SLX4: variants seen among roughly 807,000 people sequenced by gnomAD.
SLX4 encodes the protein SLX4 structure-specific endonuclease subunit.
A neutral mutation model predicts 146.2 loss-of-function variants in SLX4; 112 were observed. The observed-to-expected ratio is 0.77, with a 90% CI of 0.66 to 0.90. SLX4 has a LOEUF of 0.90. Ranked by LOEUF, SLX4 falls within the 40% of genes least tolerant of loss-of-function variation. The pLI is 0.00. For synonymous variants in SLX4, 1,061 were observed against 997.7 expected, an observed-to-expected ratio of 1.06 and a Z score of -1.20; for missense variants, 2,563 against 2,392.7, an observed-to-expected ratio of 1.07 and a Z score of -1.49.
chr16:3,591,405 A>G (rs540955693), intron 11 of SLX4, 95 bp from the exon 12 acceptor site: 3 of 1,546,752 alleles, frequency 1.9e-6, no homozygotes, highest in African/African-American at 2.7e-5. Flanking sequence ...AGTCTTCACC[A>G]GGAGGAATGA....
chr16:3,590,031 G>C lies in SLX4; in HGVS notation c.3607C>G (p.Pro1203Ala), dbSNP rs745508761. 7 of 1,613,960 alleles carry C rather than the reference G, an allele frequency of 4.3e-6. No homozygotes were observed. The Admixed American group carries it at 8.3e-5, about 19-fold the overall frequency. The change falls in exon 12 of 15, where the codon CCT (proline) becomes GCT (alanine). Residue 1203 changes from proline (P) to alanine (A), a missense_variant. Physicochemically the swap from Pro to Ala is conservative, Grantham distance 27 (BLOSUM62 -1). Transcript: ENST00000294008. The surrounding 1 kb of genome is among the most constrained non-coding windows in gnomAD (Gnocchi z 4.8). ...SIIDVDADQE[P>A]SQSPPRSEAV... is the part of the protein sequence containing the mutation. ...TCGCTTCTTGGTGGGCTCTGGGAAG[G>C]TTCCTGATCTGCATCAACATCAATG...
Position 3,582,371 on chromosome 16 carries a change from G to A in SLX4, c.5476C>T (p.Arg1826Trp), listed in dbSNP as rs199736788. 6.1e-5 allele frequency: 98 copies of A among 1,613,158 alleles called. No homozygotes were observed. The highest frequency in any genetic ancestry group is 8.0e-5 in the African/African-American group (6 of 74,916). Reference sequence around the variant, plus strand: ...TTCCGCTCCACCTTCTTCTTGCCCCGAGGCTGCCGCCTCCTGCCCTGGAGC... The same window carrying A: ...TTCCGCTCCACCTTCTTCTTGCCCCAAGGCTGCCGCCTCCTGCCCTGGAGC... Reference protein sequence around the residue: ...EKLQGRRRQPRGKKKVERN With the variant: ...EKLQGRRRQPWGKKKVERN Residue 1826 changes from arginine (R) to tryptophan (W), a missense_variant, in exon 15 of 15, where the codon CGG becomes TGG. Arg to Trp is a moderately radical substitution (Grantham distance 101). Coordinates refer to ENST00000294008, the MANE Select transcript of SLX4 (RefSeq NM_032444.4).
Position 3,591,081 on chromosome 16 carries a change from C to G in SLX4, c.2557G>C (p.Glu853Gln), listed in dbSNP as rs1465800756. 5 of 1,614,202 alleles carry G rather than the reference C, an allele frequency of 3.1e-6. No individual in the cohort carries two copies. Among genetic ancestry groups the G allele is most frequent in the Non-Finnish European group, 4.2e-6 (5 of 1,180,042 alleles). The stretch of plus-strand genomic sequence containing the variant: ...TGAGTAGCTGCAAATTCATAAATTT[C>G]TTCCATTTCTGCTTCATTCACGTTT... ...QENVNEAEME[E>Q]IYEFAATQRK... is the part of the protein sequence containing the mutation. Residue 853 changes from glutamate (E) to glutamine (Q), a missense_variant, in exon 12 of 15, where the codon GAA (glutamate) becomes CAA (glutamine). Transcript: ENST00000294008.
Position 3,601,031 on chromosome 16 carries a change from C to G in SLX4, c.1111G>C (p.Val371Leu). The G allele has an allele frequency of 6.2e-7, 1 of 1,614,004 alleles. No homozygotes were observed. The highest frequency in any genetic ancestry group is 8.5e-7 in the Non-Finnish European group (1 of 1,180,034). Residue 371 changes from valine to leucine, a missense_variant, in exon 5 of 15, where the codon GTG becomes CTG. Coordinates refer to ENST00000294008, the MANE Select transcript of SLX4 (RefSeq NM_032444.4). ...EVGPQLLLQA[V>L]RLQTAQPEGS... The stretch of plus-strand genomic sequence containing the variant: ...TCAGGCTGTGCTGTCTGCAGCCGCA[C>G]AGCCTGAAGCAGGAGCTGGGGGCCA...
chr16:3,593,501 A>G (rs561463456), intron 10 of SLX4, among the ~76,000 whole-genome samples: 1 of 152,328 alleles, frequency 6.6e-6, no homozygotes, highest in Non-Finnish European at 1.5e-5. Context: ...CTCAGGCATG[A>G]GCCGCCGTGC....
chr16:3,605,442 C>T (rs996879786), intron 3 of SLX4, among the ~76,000 whole-genome samples: 16 of 152,060 alleles, frequency 1.1e-4, no homozygotes, highest in African/African-American at 3.4e-4. Flanking sequence ...AGGCTGGTCT[C>T]GAACTTGTGA....
intron 13 of SLX4, among the ~76,000 whole-genome samples, chr16:3,583,864 G>C (rs554615806): frequency 6.6e-6 from 1 of 152,182 alleles, no homozygotes; most frequent in Admixed American, 6.5e-5. Flanking sequence ...TTAGCCAGGC[G>C]TGGTGGTGTC....
At chr16:3,585,455 G>A (rs978283353) in intron 12 of SLX4, among the ~76,000 whole-genome samples, 1 of 151,790 alleles carries the variant, frequency 6.6e-6, no homozygotes, top group East Asian at 1.9e-4. Flanking sequence ...GCGTGGTGGC[G>A]GGCGCCTGTA....
chr16:3,582,583 G>C lies in SLX4; in HGVS notation c.5264C>G (p.Ala1755Gly), dbSNP rs372921011. The change falls in exon 15 of 15, where the codon GCG becomes GGG. Residue 1755 changes from alanine (A) to glycine (G), a missense_variant. Ala to Gly is a moderately conservative substitution (Grantham distance 60, BLOSUM62 0). Coordinates refer to ENST00000294008, the MANE Select transcript of SLX4 (RefSeq NM_032444.4). ...CTTGGAGCGGATGTAGCACCTCAGC[G>C]CCTCGTCTGTGTCCGCCGCCTGCAC... ...AAVQAADTDEALRCYIRSKPA... is the reference protein window; with the variant it reads ...AAVQAADTDEGLRCYIRSKPA... 6.2e-7 allele frequency: 1 copy of C among 1,613,636 alleles called. No homozygotes were observed. Among genetic ancestry groups the C allele is most frequent in the Non-Finnish European group, 8.5e-7 (1 of 1,180,038 alleles).
chr16:3,583,368 T>A lies in SLX4; in HGVS notation c.4882A>T (p.Thr1628Ser), dbSNP rs201688321. 7.4e-6 allele frequency: 12 copies of A among 1,613,060 alleles called. No homozygotes were observed. In the Admixed American group the frequency reaches 2.0e-4, roughly 27 times the overall value. The stretch of plus-strand genomic sequence containing the variant: ...GGCTTGTAGGTCTGGGAGGCGAGGG[T>A]CTGGCAGTGAGGCGCCTGCAACAGC... ...QPLLQAPHCQ[T>S]LASQTYKPSR... is the part of the protein sequence containing the mutation. The change falls in exon 14 of 15, where the codon ACC (threonine) becomes TCC (serine). Residue 1628 changes from threonine (T) to serine (S), a missense_variant. Thr to Ser is a moderately conservative substitution (Grantham distance 58, BLOSUM62 1). Coordinates refer to ENST00000294008, the MANE Select transcript of SLX4 (RefSeq NM_032444.4).
rs750080529 is a variant in SLX4, at chr16:3,590,938, C to T, written c.2700G>A (p.Trp900Ter). The stretch of plus-strand genomic sequence containing the variant: ...ACGGCTCCATCTCCTCCACCTTGTC[C>T]CACTGTTTCTGCACCTGGACACCTG... The part of the protein sequence containing the change: ...LLAGVQVQKQ[W>*]DKVEEMEPLE... The change falls in exon 12 of 15, where the codon TGG becomes TGA. Residue 900 changes from tryptophan (W) to a stop codon, truncating the protein, a stop_gained. Coordinates refer to ENST00000294008, the MANE Select transcript of SLX4 (RefSeq NM_032444.4). LOFTEE classifies it high-confidence loss of function. This position sits in a 1 kb window ranked among gnomAD's most constrained non-coding sequence, Gnocchi z 4.8. The T allele has an allele frequency of 1.2e-6, 2 of 1,614,172 alleles. No individual in the cohort carries two copies. Among genetic ancestry groups the T allele is most frequent in the Admixed American group, 3.3e-5 (2 of 60,026 alleles).
At position 3,596,144 on chromosome 16, in the gene SLX4, G is replaced by A. The variant is rs767533009; in HGVS notation, c.1924+9C>T. On this transcript the variant is annotated intron_variant, in intron 8 of 14. Transcript: ENST00000294008. ...AGGGCTGGCCCTAGAGTCCCACCCAGCATCTCACCTGCAGTCCCTTCCGAG... is the reference window on the plus strand; with the variant it reads ...AGGGCTGGCCCTAGAGTCCCACCCAACATCTCACCTGCAGTCCCTTCCGAG... 19 of 1,548,612 alleles carry A rather than the reference G, an allele frequency of 1.2e-5. No individual in the cohort carries two copies. The East Asian group carries it at 4.1e-4, about 34-fold the overall frequency.
At position 3,596,114 on chromosome 16, in the gene SLX4, A is replaced by C. The variant is rs1311514111; in HGVS notation, c.1924+39T>G. The C allele has an allele frequency of 2.0e-6, 3 of 1,538,216 alleles. No individual in the cohort carries two copies. The African/African-American group carries it at 4.1e-5, about 21-fold the overall frequency. ...CAGCCGCGGGGAGGGGAGGCCCGGG[A>C]GGGCAGGGCTGGCCCTAGAGTCCCA... On this transcript the variant is annotated intron_variant, in intron 8 of 14. Coordinates refer to ENST00000294008, the MANE Select transcript of SLX4 (RefSeq NM_032444.4).
At chr16:3,610,360 C>G (rs2040842254) in intron 1 of SLX4, among the ~76,000 whole-genome samples, 2 of 152,150 alleles carry the variant, frequency 1.3e-5, no homozygotes, top group Admixed American at 1.3e-4. Context: ...CCCGTTAATC[C>G]CTATCATCGC....
rs1427988774 is a variant in SLX4, at chr16:3,582,515, G to T, written c.5332C>A (p.Leu1778Met). Reference protein sequence around the residue: ...QKVLLYQPFELRELQAELRQN... With the variant: ...QKVLLYQPFEMRELQAELRQN... ...CTCAGCTCTGCCTGCAGCTCCCGCA[G>T]CTCAAAGGGCTGGTACAGCAGCACC... The change falls in exon 15 of 15, where the codon CTG (leucine) becomes ATG (methionine). Residue 1778 changes from leucine (L) to methionine (M), a missense_variant. By Grantham distance (15) the Leu-to-Met change is conservative. Transcript: ENST00000294008. The T allele has an allele frequency of 1.2e-6, 2 of 1,614,046 alleles. No homozygotes were observed. Among genetic ancestry groups the T allele is most frequent in the Non-Finnish European group, 1.7e-6 (2 of 1,180,054 alleles).
rs145444328 is a variant in SLX4, at chr16:3,589,189, A to G, written c.4449T>C (p.Thr1483=). Residue 1483 remains threonine, a synonymous_variant, in exon 12 of 15, where the codon ACT becomes ACC. Transcript: ENST00000294008. The surrounding 1 kb of genome is among the most constrained non-coding windows in gnomAD (Gnocchi z 6.2). Reference sequence around the variant, plus strand: ...ACTTCTCTTGCAATTTCCTCTGGGTAGTGCAGCTTCCTCGGATGGGGGTGG... The same window carrying G: ...ACTTCTCTTGCAATTTCCTCTGGGTGGTGCAGCTTCCTCGGATGGGGGTGG... ...LDTTPIRGSC[T]TQRKLQEKSS... The G allele has an allele frequency of 5.1e-5, 83 of 1,613,968 alleles. No individual in the cohort carries two copies. The highest frequency in any genetic ancestry group is 4.3e-4 in the South Asian group (39 of 91,078).
chr16:3,588,620 C>G (rs928222980), intron 12 of SLX4, among the ~76,000 whole-genome samples: 6 of 152,206 alleles, frequency 3.9e-5, no homozygotes, highest in Non-Finnish European at 7.3e-5. Context: ...TGCAGTCAAT[C>G]TACGGTTAAC....
At chr16:3,596,012 G>C (rs1376412895) in intron 8 of SLX4, 141 bp downstream of exon 8, 1 of 1,295,438 alleles carries the variant, frequency 7.7e-7, no homozygotes, top group African/African-American at 1.5e-5. Context: ...AAAAATGAAA[G>C]CGCCCAGAGG....
intron 3 of SLX4, among the ~76,000 whole-genome samples, chr16:3,603,643 T>G (rs1485264208): frequency 6.6e-6 from 1 of 152,264 alleles, no homozygotes; most frequent in East Asian, 1.9e-4. Context: ...TAATGGTTTC[T>G]TCCTATTTCT....
Sources: allele counts gnomAD v4.1 joint callset (sites outside exome capture counted in the v4.1 genomes callset), GRCh38; gene constraint gnomAD v4.1.1; non-coding constraint Gnocchi (gnomAD v3.1); transcripts MANE v1.5; gene names NCBI Gene and HGNC (gene_info 2026-07-23, HGNC 2026-07-21).